The following BARD1 variants were observed in gnomAD, a reference collection of about 807,000 sequenced individuals.
BARD1 encodes BRCA1 associated RING domain 1.
In BARD1, 73 loss-of-function variants were observed where a neutral mutation model predicts 77.0. The observed-to-expected ratio is 0.95, with a 90% CI of 0.79 to 1.15. The LOEUF (loss-of-function observed/expected upper bound fraction) is 1.15. Among genes scored for constraint, BARD1 ranks in the 50% most tolerant of loss-of-function variants. The pLI is 0.00. For synonymous variants in BARD1, 384 were observed against 338.0 expected, an observed-to-expected ratio of 1.14 and a Z score of -1.49; for missense variants, 993 against 938.8, an observed-to-expected ratio of 1.06 and a Z score of -0.75.
At chr2:214,794,585 A>T (rs984439495) in intron 2 of BARD1, among the ~76,000 whole-genome samples, 33 of 151,754 alleles carry the variant, frequency 2.2e-4, no homozygotes, top group African/African-American at 7.3e-4. Flanking sequence ...TTTTAAATTA[A>T]TTTTTTTAAA....
chr2:214,763,408 T>A lies in BARD1; in HGVS notation c.1568+4074A>T, dbSNP rs139969129. On this transcript the variant is annotated intron_variant, in intron 6 of 10. Coordinates refer to ENST00000260947, the MANE Select transcript of BARD1 (RefSeq NM_000465.4). ...AGCAGGCAGACAACTGAGGGGATGATGAGGCAAAGGAGCAATGGAGGGACT... is the reference window on the plus strand; with the variant it reads ...AGCAGGCAGACAACTGAGGGGATGAAGAGGCAAAGGAGCAATGGAGGGACT... 4.2e-3 allele frequency among the ~76,000 whole-genome samples: 634 copies of A among 152,174 alleles called. 1 individual carries two copies. The highest frequency in any genetic ancestry group is 0.014 in the African/African-American group (586 of 41,524).
At position 214,797,091 on chromosome 2, in the gene BARD1, C is replaced by G. The variant is rs768089548; in HGVS notation, c.185G>C (p.Cys62Ser). 4 of 1,612,920 alleles carry G rather than the reference C, an allele frequency of 2.5e-6. No individual in the cohort carries two copies. The highest frequency in any genetic ancestry group is 2.5e-6 in the Non-Finnish European group (3 of 1,179,210). The change falls in exon 2 of 11, where the codon TGT (cysteine) becomes TCT (serine). Residue 62 changes from cysteine (C) to serine (S), a missense_variant. Coordinates refer to ENST00000260947, the MANE Select transcript of BARD1 (RefSeq NM_000465.4). Reference sequence around the variant, plus strand: ...GAAGATGTGCTCACATCCTCCTAAACACACAGGCTCTCTCAGAATGTTAGT... The same window carrying G: ...GAAGATGTGCTCACATCCTCCTAAAGACACAGGCTCTCTCAGAATGTTAGT... Reference protein sequence around the residue: ...RCTNILREPVCLGGCEHIFCS... With the variant: ...RCTNILREPVSLGGCEHIFCS...
rs10602414 is a variant in BARD1 at position 214,771,924 on chromosome 2, GAAAAA to G, written c.1315-2617_1315-2613del. ...TTCAAATTAATTACCCCAGTTTCAG[GAAAAA>G]AAAAAAAAAAAAAAGCAACATTTTC... On this transcript the variant is annotated intron_variant, in intron 4 of 10. Coordinates refer to ENST00000260947, the MANE Select transcript of BARD1 (RefSeq NM_000465.4). Among the ~76,000 whole-genome samples, 561 of 107,148 alleles carry G rather than the reference GAAAAA, an allele frequency of 5.2e-3. 5 individuals are homozygous for G. Among genetic ancestry groups the G allele is most frequent in the African/African-American group, 0.019 (519 of 27,402 alleles). 70.3% of individuals were successfully genotyped at this position (107,148 alleles called of 152,430 possible).
chr2:214,726,555 T>C lies in BARD1; in HGVS notation c.*2121A>G, dbSNP rs938418544. On this transcript the variant is annotated 3_prime_UTR_variant, in exon 11 of 11. Coordinates refer to ENST00000260947, the MANE Select transcript of BARD1 (RefSeq NM_000465.4). ...AAAAAGATAAGCTTTTGTTAGTTAA[T>C]AGACTTCCTCACCAAGTCATGTTGA... 4.4e-6 allele frequency: 1 copy of C among 228,084 alleles called. No individual in the cohort carries two copies. Among genetic ancestry groups the C allele is most frequent in the African/African-American group, 2.2e-5 (1 of 45,210 alleles). 14.1% of individuals were successfully genotyped at this position (228,084 alleles called of 1,614,324 possible).
At chr2:214,781,704 C>T (rs951079641) in intron 3 of BARD1, among the ~76,000 whole-genome samples, 195 bp from the exon 4 acceptor site, 1 of 152,024 alleles carries the variant, frequency 6.6e-6, no homozygotes, top group African/African-American at 2.4e-5. Flanking sequence ...CGACTTTGTG[C>T]CATATCCTAG....
At chr2:214,775,984 C>T (rs1314544662) in intron 4 of BARD1, among the ~76,000 whole-genome samples, 1 of 152,196 alleles carries the variant, frequency 6.6e-6, no homozygotes, top group Non-Finnish European at 1.5e-5. Flanking sequence ...AAGTTAAACT[C>T]TAAATGAGAC....
chr2:214,738,229 T>C (rs2106004292), intron 9 of BARD1, among the ~76,000 whole-genome samples: 1 of 152,286 alleles, frequency 6.6e-6, no homozygotes, highest in Admixed American at 6.5e-5. Flanking sequence ...CTATTACAAC[T>C]AGAGATTCTT....
intron 3 of BARD1, among the ~76,000 whole-genome samples, chr2:214,790,161 C>G (rs1183948711): frequency 6.6e-6 from 1 of 151,890 alleles, no homozygotes; most frequent in Non-Finnish European, 1.5e-5. Context: ...TTTTTGCACC[C>G]CTATGGTATG....
intron 3 of BARD1, among the ~76,000 whole-genome samples, chr2:214,784,358 T>C (rs1695174478): frequency 6.6e-6 from 1 of 152,098 alleles, no homozygotes. Flanking sequence ...ATGGCGATCA[T>C]TAAAAAGTCA....
chr2:214,731,114 G>C lies in BARD1; in HGVS notation c.1904-606C>G, dbSNP rs1413678457. Reference sequence around the variant, plus strand: ...ACACAACTGAGGTTGCTAGTCTAGAGATGATTTGATTGGGCTTTGCAGGAA... The same window carrying C: ...ACACAACTGAGGTTGCTAGTCTAGACATGATTTGATTGGGCTTTGCAGGAA... On this transcript the variant is annotated intron_variant, in intron 9 of 10. Transcript: ENST00000260947. 5 of 227,626 alleles carry C rather than the reference G, an allele frequency of 2.2e-5. No individual in the cohort carries two copies. The East Asian group carries it at 5.5e-4, about 25-fold the overall frequency. 14.1% of individuals were successfully genotyped at this position (227,626 alleles called of 1,614,324 possible).
At position 214,809,634 on chromosome 2, in the gene BARD1, G is replaced by C. The variant is rs1364852487; in HGVS notation, c.-65C>G. The stretch of plus-strand genomic sequence containing the variant: ...AGCAAGGAAGCCTCGGGAAACCACA[G>C]GGAAGCTGCAGGCCAGCGACTCGAA... On this transcript the variant is annotated 5_prime_UTR_variant, in exon 1 of 11. Transcript: ENST00000260947. 13 of 1,514,460 alleles carry C rather than the reference G, an allele frequency of 8.6e-6. No individual in the cohort carries two copies. The highest frequency in any genetic ancestry group is 1.2e-5 in the Non-Finnish European group (13 of 1,130,160). 93.8% of individuals were successfully genotyped at this position (1,514,460 alleles called of 1,614,324 possible). A position where few individuals can be genotyped will look rare whatever the true frequency, so the allele number is the denominator to read the frequency against.
intron 4 of BARD1, among the ~76,000 whole-genome samples, chr2:214,776,972 C>G (rs1694763476): frequency 6.6e-6 from 1 of 152,096 alleles, no homozygotes; most frequent in African/African-American, 2.4e-5. Flanking sequence ...CTGGAAACAA[C>G]CCTCAGCTGA....
At chr2:214,802,808 C>A (rs1329435924) in intron 1 of BARD1, among the ~76,000 whole-genome samples, 2 of 152,062 alleles carry the variant, frequency 1.3e-5, no homozygotes, top group Non-Finnish European at 2.9e-5. Context: ...GATTTCTGTA[C>A]CTTGAAAATT....
chr2:214,734,633 T>C (rs1271873673), intron 9 of BARD1, among the ~76,000 whole-genome samples: 9 of 152,182 alleles, frequency 5.9e-5, no homozygotes, highest in Admixed American at 2.6e-4. Flanking sequence ...TTCCACAATC[T>C]AGAATAAAAT....
chr2:214,771,942 A>C (rs1694514938), intron 4 of BARD1, among the ~76,000 whole-genome samples: 1 of 151,120 alleles, frequency 6.6e-6, no homozygotes, highest in African/African-American at 2.4e-5. Context: ...AAAAAAAAAA[A>C]AGCAACATTT....
chr2:214,789,859 T>C (rs1434353013), intron 3 of BARD1, among the ~76,000 whole-genome samples: 1 of 152,122 alleles, frequency 6.6e-6, no homozygotes, highest in Non-Finnish European at 1.5e-5. Context: ...GCGCAGTGCT[T>C]AAGTCTGGTA....
intron 4 of BARD1, among the ~76,000 whole-genome samples, chr2:214,777,901 T>G (rs1019680366): frequency 2.0e-5 from 3 of 152,228 alleles, no homozygotes; most frequent in Non-Finnish European, 4.4e-5. Flanking sequence ...AAATGAAAAC[T>G]GTTTCTAAAA....
At chr2:214,752,622 C>T in intron 6 of BARD1, 67 bp from the exon 7 acceptor site, 1 of 1,117,538 alleles carries the variant, frequency 8.9e-7, no homozygotes, top group Admixed American at 1.7e-5. Context: ...TTTTCAACAT[C>T]CTTAATAATA....
At chr2:214,782,397 A>G (rs1217844544) in intron 3 of BARD1, among the ~76,000 whole-genome samples, 1 of 152,094 alleles carries the variant, frequency 6.6e-6, no homozygotes, top group Non-Finnish European at 1.5e-5. Context: ...GGGCTTCCAG[A>G]GTATTGTTTT....
Sources: gnomAD v4.1 joint callset for allele counts (sites outside exome capture counted in the v4.1 genomes callset) on GRCh38, gnomAD v4.1.1 for gene constraint, MANE v1.5 for transcripts, NCBI Gene and HGNC (gene_info 2026-07-23, HGNC 2026-07-21) for gene names.